NPHP4: variants seen among roughly 807,000 people sequenced by gnomAD.
NPHP4 encodes the protein nephrocystin-4.
Under a neutral mutation model 155.8 loss-of-function variants are expected in NPHP4, and 151 were observed. That is an observed-to-expected ratio of 0.97 (90% CI 0.85 to 1.11). The LOEUF is 1.11. NPHP4 is among the 50% of genes least tolerant of loss of function. The pLI, the probability that NPHP4 is intolerant of heterozygous loss-of-function variation, is 0.00. For synonymous variants in NPHP4, 845 were observed against 816.8 expected, an observed-to-expected ratio of 1.03 and a Z score of -0.59; for missense variants, 1,956 against 1,925.7, an observed-to-expected ratio of 1.02 and a Z score of -0.29.
At chr1:5,973,404 A>G (rs1237224017) in intron 3 of NPHP4, among the ~76,000 whole-genome samples, 1 of 152,228 alleles carries the variant, frequency 6.6e-6, no homozygotes, top group African/African-American at 2.4e-5. Context: ...AAAGCAAGAA[A>G]TATCTAACCC....
At chr1:5,909,357 G>C (rs1445319148) in intron 11 of NPHP4, 144 bp from the exon 12 acceptor site, 1 of 711,800 alleles carries the variant, frequency 1.4e-6, no homozygotes, top group East Asian at 2.7e-5. Flanking sequence ...ACCGTTCAGG[G>C]GCAACAGCAG....
At chr1:5,874,363 A>G (rs1570132407) in intron 22 of NPHP4, 108 bp downstream of exon 22, 2 of 1,099,384 alleles carry the variant, frequency 1.8e-6, no homozygotes, top group Admixed American at 6.1e-5. Flanking sequence ...CCCCAAGGCT[A>G]GTCTGTCTGC....
chr1:5,907,368 G>T, intron 12 of NPHP4, 146 bp from the exon 13 acceptor site: 1 of 481,544 alleles, frequency 2.1e-6, no homozygotes, highest in East Asian at 3.4e-5. Flanking sequence ...TCCTGGCCAG[G>T]GCAGCTCTGG....
intron 5 of NPHP4, among the ~76,000 whole-genome samples, chr1:5,962,769 G>A (rs529039431): frequency 1.1e-3 from 162 of 152,352 alleles, no homozygotes; most frequent in African/African-American, 3.7e-3. Flanking sequence ...AATGACACCC[G>A]GGAGGAGTGC....
chr1:5,985,337 C>G (rs1051094742), intron 2 of NPHP4, among the ~76,000 whole-genome samples: 1 of 152,254 alleles, frequency 6.6e-6, no homozygotes, highest in African/African-American at 2.4e-5. Flanking sequence ...GTGTGGGTGT[C>G]CCGTGGGCAG....
intron 13 of NPHP4, among the ~76,000 whole-genome samples, chr1:5,906,437 C>T (rs987750656): frequency 1.1e-4 from 16 of 152,358 alleles, no homozygotes; most frequent in African/African-American, 3.6e-4. Flanking sequence ...ACCCTCACAC[C>T]ATGTCTCATG....
At chr1:5,951,231 C>T (rs1371278835) in intron 7 of NPHP4, among the ~76,000 whole-genome samples, 1 of 152,224 alleles carries the variant, frequency 6.6e-6, no homozygotes, top group Non-Finnish European at 1.5e-5. Context: ...CCTCCCTCTG[C>T]CGTCCTTCCT....
chr1:5,894,114 G>A (rs1644277171), intron 16 of NPHP4, among the ~76,000 whole-genome samples: 1 of 152,120 alleles, frequency 6.6e-6, no homozygotes, highest in Non-Finnish European at 1.5e-5. Flanking sequence ...TTATTATACT[G>A]GAACAGCTCA....
chr1:5,892,537 G>A lies in NPHP4; in HGVS notation c.2144-1509C>T, dbSNP rs1644184931. Among the ~76,000 whole-genome samples, 1 of 152,168 alleles carries A rather than the reference G, an allele frequency of 6.6e-6. No individual in the cohort carries two copies. Among genetic ancestry groups the A allele is most frequent in the African/African-American group, 2.4e-5 (1 of 41,438 alleles). ...TTGCTGAGTAAGTGAATTAATGGTA[G>A]CATTGAAAGGCCCTGGCAGTGCTGG... On this transcript the variant is annotated intron_variant, in intron 16 of 29. Coordinates refer to ENST00000378156, the MANE Select transcript of NPHP4 (RefSeq NM_015102.5). This position sits in a 1 kb window ranked among gnomAD's most constrained non-coding sequence, Gnocchi z 4.5.
In NPHP4 at chr1:5,961,928, A is replaced by T; in HGVS notation, c.539T>A (p.Ile180Asn). ...PAEQNRHMTL[I>N]ENCSLQYTLK... is the part of the protein sequence containing the mutation. ...CGTGTACTGCAGGCTGCAGTTCTCA[A>T]TGAGGGTCATGTGTCTGTTTTCTGG... The change falls in exon 6 of 30, where the codon ATT (isoleucine) becomes AAT (asparagine). Residue 180 changes from isoleucine to asparagine, a missense_variant. Transcript: ENST00000378156. 6.2e-7 allele frequency: 1 copy of T among 1,604,682 alleles called. No homozygotes were observed. Among genetic ancestry groups the T allele is most frequent in the South Asian group, 1.1e-5 (1 of 90,886 alleles).
intron 6 of NPHP4, among the ~76,000 whole-genome samples, chr1:5,960,690 A>T (rs1650149429): frequency 6.6e-6 from 1 of 152,122 alleles, no homozygotes; most frequent in South Asian, 2.1e-4. Flanking sequence ...AGAAAGCCAC[A>T]CAAAAGTCTC....
At chr1:5,981,390 A>G (rs1037087820) in intron 2 of NPHP4, among the ~76,000 whole-genome samples, 1 of 152,216 alleles carries the variant, frequency 6.6e-6, no homozygotes. Flanking sequence ...GGTTCCTAAC[A>G]TATCGTGGTG....
chr1:5,986,185 G>A lies in NPHP4; in HGVS notation c.105C>T (p.Leu35=), dbSNP rs1259706450. Residue 35 remains leucine (L), a synonymous_variant, in exon 2 of 30, where the codon CTC becomes CTT. Coordinates refer to ENST00000378156, the MANE Select transcript of NPHP4 (RefSeq NM_015102.5). ...WKESTAFQCV[L]KWLDGPVIRQ... is the part of the protein sequence containing the mutation. The stretch of plus-strand genomic sequence containing the variant: ...TAATTACCGGTCCGTCCAGCCACTT[G>A]AGGACACACTGGAATGCCGTGGATT... 1 of 1,613,774 alleles carries A rather than the reference G, an allele frequency of 6.2e-7. No homozygotes were observed. The highest frequency in any genetic ancestry group is 1.3e-5 in the African/African-American group (1 of 74,924).
intron 23 of NPHP4, among the ~76,000 whole-genome samples, chr1:5,869,716 A>C (rs946801087): frequency 6.6e-6 from 1 of 152,232 alleles, no homozygotes; most frequent in Non-Finnish European, 1.5e-5. Context: ...ATACACGTAC[A>C]TAAAGATGGC....
intron 3 of NPHP4, among the ~76,000 whole-genome samples, chr1:5,975,142 G>A (rs1214618207): frequency 6.6e-6 from 1 of 152,182 alleles, no homozygotes; most frequent in Non-Finnish European, 1.5e-5. Flanking sequence ...CCACTCCTGG[G>A]AGCACTCGGT....
At chr1:5,874,750 G>A (rs1333826574) in intron 21 of NPHP4, 93 bp from the exon 22 acceptor site, 2 of 1,518,050 alleles carry the variant, frequency 1.3e-6, no homozygotes, top group African/African-American at 2.8e-5. Context: ...GTGCTCAGAG[G>A]AGTGGGAGAG....
intron 2 of NPHP4, among the ~76,000 whole-genome samples, chr1:5,979,885 C>T (rs1025188918): frequency 2.0e-5 from 3 of 152,132 alleles, no homozygotes; most frequent in Non-Finnish European, 4.4e-5. Context: ...AGACTGTCCC[C>T]CAGAGCCGGT....
In NPHP4 at chr1:5,867,345, A is replaced by C. The variant is rs1641349532; in HGVS notation, c.3473-230T>G. 1.8e-6 allele frequency: 1 copy of C among 563,602 alleles called. No homozygotes were observed. The highest frequency in any genetic ancestry group is 2.9e-5 in the East Asian group (1 of 34,418). 34.9% of individuals were successfully genotyped at this position (563,602 alleles called of 1,614,324 possible). On this transcript the variant is annotated intron_variant, in intron 24 of 29. Coordinates refer to ENST00000378156, the MANE Select transcript of NPHP4 (RefSeq NM_015102.5). This position sits in a 1 kb window ranked among gnomAD's most constrained non-coding sequence, Gnocchi z 4.1. ...CTGCGGCTCGGCTGCAGCCATCTCC[A>C]CAGGGAATAATCGAGGGGGCCACAA...
At chr1:5,979,476 G>A (rs1654292420) in intron 2 of NPHP4, among the ~76,000 whole-genome samples, 1 of 152,194 alleles carries the variant, frequency 6.6e-6, no homozygotes, top group African/African-American at 2.4e-5. Flanking sequence ...GAGAGGAAGA[G>A]AGCACACGTG....
Sources: gnomAD v4.1 joint callset for allele counts (sites outside exome capture counted in the v4.1 genomes callset) on GRCh38, gnomAD v4.1.1 for gene constraint, Gnocchi (gnomAD v3.1) non-coding constraint, MANE v1.5 for transcripts, NCBI Gene and HGNC (gene_info 2026-07-23, HGNC 2026-07-21) for gene names.